The following ALKBH1 variants were observed in gnomAD, a reference collection of about 807,000 sequenced individuals.
The protein encoded by ALKBH1 is nucleic acid dioxygenase ALKBH1.
Under a neutral mutation model 36.6 loss-of-function variants are expected in ALKBH1, and 31 were observed. The observed-to-expected ratio is 0.85, with a 90% confidence interval of 0.64 to 1.14. The LOEUF (loss-of-function observed/expected upper bound fraction) is 1.14, where lower values mean the gene tolerates loss of function less well. Among genes scored for constraint, ALKBH1 ranks in the 50% most tolerant of loss-of-function variants. ALKBH1 has a pLI of 0.00. For missense variants in ALKBH1, 490 were observed against 497.3 expected, an observed-to-expected ratio of 0.99 and a Z score of 0.14; for synonymous variants, 183 against 186.6, an observed-to-expected ratio of 0.98 and a Z score of 0.16.
rs1014986197 is a variant in ALKBH1, at chr14:77,672,875, A to T, written c.*937T>A. ...TAACAGCAGTGACTGGAATATTAAG[A>T]AATGTTCTCTCTTCTGTGAGACAGC... On this transcript the variant is annotated 3_prime_UTR_variant, in exon 6 of 6. Transcript: ENST00000216489. The T allele has an allele frequency of 2.6e-5, 4 of 152,222 alleles. No individual in the cohort carries two copies. Among genetic ancestry groups the T allele is most frequent in the African/African-American group, 4.8e-5 (2 of 41,452 alleles). 9.4% of individuals were successfully genotyped at this position (152,222 alleles called of 1,614,324 possible).
At chr14:77,696,183 T>A (rs565394049) in intron 2 of ALKBH1, among the ~76,000 whole-genome samples, 6 of 152,198 alleles carry the variant, frequency 3.9e-5, no homozygotes, top group African/African-American at 1.4e-4. Context: ...TGCCAGGCAC[T>A]TTCTTTCTTT....
chr14:77,683,291 G>T, intron 3 of ALKBH1: 2 of 761,700 alleles, frequency 2.6e-6, no homozygotes, highest in Admixed American at 3.5e-5. Flanking sequence ...GGTGGGGCAG[G>T]CTGGCACTTC....
intron 3 of ALKBH1, among the ~76,000 whole-genome samples, chr14:77,686,268 A>T (rs766125481): frequency 4.6e-5 from 7 of 152,180 alleles, no homozygotes; most frequent in Non-Finnish European, 1.0e-4. Context: ...ATACTGAGAG[A>T]ATCACTGAAG....
At chr14:77,682,554 A>G (rs1423447023) in intron 3 of ALKBH1, among the ~76,000 whole-genome samples, 1 of 152,200 alleles carries the variant, frequency 6.6e-6, no homozygotes, top group Admixed American at 6.5e-5. Context: ...TCTTATGAAT[A>G]TTGAAGCTAT....
At chr14:77,683,662 C>T (rs1462338400) in intron 3 of ALKBH1, 4 of 248,428 alleles carry the variant, frequency 1.6e-5, no homozygotes, top group Non-Finnish European at 2.4e-5. Context: ...GCCTCCACCT[C>T]CCAAGTTCCA....
At chr14:77,688,975 TGATA>T (rs1466978601) in intron 3 of ALKBH1, among the ~76,000 whole-genome samples, 1 of 152,198 alleles carries the variant, frequency 6.6e-6, no homozygotes, top group Non-Finnish European at 1.5e-5. Flanking sequence ...TTATTAATCC[TGATA>T]AATACCCACT....
chr14:77,707,628 A>G (rs903973371), intron 1 of ALKBH1, among the ~76,000 whole-genome samples, 194 bp downstream of exon 1: 2 of 152,222 alleles, frequency 1.3e-5, no homozygotes, highest in Non-Finnish European at 1.5e-5. Flanking sequence ...ATGGCCGCCT[A>G]AAGAAACAGG....
intron 1 of ALKBH1, among the ~76,000 whole-genome samples, chr14:77,707,512 G>A (rs1207759396): frequency 3.9e-5 from 6 of 152,110 alleles, no homozygotes; most frequent in South Asian, 2.1e-4. Flanking sequence ...CTACAAAGAC[G>A]TTCTATGGGG....
intron 3 of ALKBH1, chr14:77,683,233 A>G: frequency 1.3e-6 from 1 of 751,810 alleles, no homozygotes; most frequent in South Asian, 1.4e-5. Flanking sequence ...AATAGGTTCC[A>G]GCAGCTCAGG....
intron 1 of ALKBH1, 77 bp downstream of exon 1, chr14:77,707,745 G>T: frequency 1.3e-6 from 2 of 1,495,046 alleles, no homozygotes; most frequent in Admixed American, 4.4e-5. Context: ...GGTGAAAAGA[G>T]GCGAAGAAGA....
intron 2 of ALKBH1, among the ~76,000 whole-genome samples, chr14:77,701,236 G>C (rs2080357650): frequency 6.6e-6 from 1 of 152,138 alleles, no homozygotes; most frequent in Non-Finnish European, 1.5e-5. Flanking sequence ...TTAAGTGCTT[G>C]ATAAATGCAC....
intron 1 of ALKBH1, 64 bp from the exon 2 acceptor site, chr14:77,704,541 C>T (rs996875542): frequency 8.1e-7 from 1 of 1,240,188 alleles, no homozygotes; most frequent in East Asian, 2.3e-5. Flanking sequence ...CCGGGAACCT[C>T]AAACCTCCAA....
chr14:77,679,426 G>C (rs771632104), intron 4 of ALKBH1, among the ~76,000 whole-genome samples: 21 of 151,838 alleles, frequency 1.4e-4, no homozygotes, highest in Non-Finnish European at 2.8e-4. Context: ...GATACCTGAG[G>C]AGAGATTTTT....
At chr14:77,701,542 T>G (rs1248014159) in intron 2 of ALKBH1, among the ~76,000 whole-genome samples, 1 of 152,094 alleles carries the variant, frequency 6.6e-6, no homozygotes, top group Non-Finnish European at 1.5e-5. Flanking sequence ...CTTCCCTAGA[T>G]TCTGTTTCTG....
intron 1 of ALKBH1, among the ~76,000 whole-genome samples, 191 bp downstream of exon 1, chr14:77,707,631 G>C (rs569036034): frequency 6.6e-6 from 1 of 152,216 alleles, no homozygotes; most frequent in Non-Finnish European, 1.5e-5. Flanking sequence ...GCCGCCTAAA[G>C]AAACAGGCAT....
In ALKBH1 at chr14:77,675,851, T is replaced by C; in HGVS notation, c.547-2A>G. 1 of 1,610,836 alleles carries C rather than the reference T, an allele frequency of 6.2e-7. No individual in the cohort carries two copies. The highest frequency in any genetic ancestry group is 1.1e-5 in the South Asian group (1 of 91,014). On this transcript the variant is annotated splice_acceptor_variant, in intron 4 of 5. Coordinates refer to ENST00000216489, the MANE Select transcript of ALKBH1 (RefSeq NM_006020.3). LOFTEE classifies it high-confidence loss of function. ...TGTGTAATGATCTGCTGAGTATTTC[T>C]TTGGTAAATGTAGAGAGAATAAGAA... is the stretch of plus-strand genomic sequence containing the variant.
In ALKBH1 at chr14:77,674,223, G is replaced by C. The variant is rs2080192671; in HGVS notation, c.759C>G (p.Ile253Met). 1.9e-6 allele frequency: 3 copies of C among 1,603,218 alleles called. No individual in the cohort carries two copies. In the East Asian group the frequency reaches 6.7e-5, roughly 36 times the overall value. The part of the protein sequence containing the change: ...LLSFSFGQSA[I>M]FLLGGLQRDE... ...CCCTTTGAAGACCACCCAGGAGAAA[G>C]ATGGCGGACTGTCCAAAGCTACAAA... Residue 253 changes from isoleucine to methionine, a missense_variant, in exon 6 of 6, where the codon ATC becomes ATG. Physicochemically the swap from Ile to Met is conservative, Grantham distance 10 (BLOSUM62 1). Transcript: ENST00000216489.
intron 1 of ALKBH1, among the ~76,000 whole-genome samples, chr14:77,705,740 C>T (rs989976891): frequency 1.3e-5 from 2 of 152,212 alleles, no homozygotes; most frequent in Non-Finnish European, 1.5e-5. Context: ...GAATAGTAAA[C>T]CTAGGGTCTG....
intron 1 of ALKBH1, among the ~76,000 whole-genome samples, 191 bp downstream of exon 1, chr14:77,707,627 TAAAG>T (rs1328439192): frequency 1.3e-5 from 2 of 152,336 alleles, no homozygotes; most frequent in Non-Finnish European, 2.9e-5. Flanking sequence ...AATGGCCGCC[TAAAG>T]AAACAGGCAT....
Sources: gnomAD v4.1 joint callset for allele counts (sites outside exome capture counted in the v4.1 genomes callset) on GRCh38, gnomAD v4.1.1 for gene constraint, MANE v1.5 for transcripts, NCBI Gene and HGNC (gene_info 2026-07-23, HGNC 2026-07-21) for gene names.